DAPK1: variants seen among roughly 807,000 people sequenced by gnomAD.
DAPK1 encodes death associated protein kinase 1.
Under a neutral mutation model 144.9 loss-of-function variants are expected in DAPK1, and 56 were observed. The observed-to-expected ratio is 0.39, with a 90% CI of 0.31 to 0.48. DAPK1 has a LOEUF of 0.48. DAPK1 is among the 20% of genes least tolerant of loss of function. DAPK1 has a pLI of 0.95. For synonymous variants in DAPK1, 690 were observed against 749.0 expected, an observed-to-expected ratio of 0.92 and a Z score of 1.29; for missense variants, 1,454 against 1,875.4, an observed-to-expected ratio of 0.78 and a Z score of 4.15.
chr9:87,659,026 C>A (rs1035908251), intron 18 of DAPK1, among the ~76,000 whole-genome samples: 1 of 152,220 alleles, frequency 6.6e-6, no homozygotes, highest in African/African-American at 2.4e-5. Context: ...TTGTATTGGC[C>A]CTGGCGGCTT....
intron 2 of DAPK1, among the ~76,000 whole-genome samples, chr9:87,589,783 C>G (rs552781061): frequency 6.6e-6 from 1 of 152,194 alleles, no homozygotes; most frequent in East Asian, 1.9e-4. Context: ...TTCCATATGA[C>G]ATATTGAATG....
chr9:87,707,314 T>C lies in DAPK1; in HGVS notation c.4243T>C (p.Cys1415Arg). 2 of 1,612,788 alleles carry C rather than the reference T, an allele frequency of 1.2e-6. No homozygotes were observed. The highest frequency in any genetic ancestry group is 2.2e-5 in the South Asian group (2 of 90,902). Residue 1415 changes from cysteine to arginine, a missense_variant, in exon 26 of 26, where the codon TGC becomes CGC. By Grantham distance (180) the Cys-to-Arg change is radical. Coordinates refer to ENST00000408954, the MANE Select transcript of DAPK1 (RefSeq NM_004938.4). The surrounding 1 kb of genome is among the most constrained non-coding windows in gnomAD (Gnocchi z 4.0). ...TGGCCAGGAGGCCTATGCCTCGAGC[T>C]GCAACAGCGGCACCTCTTACAATTC... is the stretch of plus-strand genomic sequence containing the variant. ...GNGQEAYASS[C>R]NSGTSYNSIS...
At chr9:87,629,999 G>T (rs571875788) in intron 3 of DAPK1, among the ~76,000 whole-genome samples, 2 of 152,248 alleles carry the variant, frequency 1.3e-5, no homozygotes, top group East Asian at 3.9e-4. Flanking sequence ...TAGCCCAGAT[G>T]GAGAGACCAC....
intron 14 of DAPK1, among the ~76,000 whole-genome samples, chr9:87,647,679 A>G (rs1202806392): frequency 6.6e-6 from 1 of 152,230 alleles, no homozygotes; most frequent in Non-Finnish European, 1.5e-5. Context: ...AGTACAGACA[A>G]CCAGAGAGAG....
At chr9:87,591,334 T>C (rs7045762) in intron 2 of DAPK1, among the ~76,000 whole-genome samples, 15,480 of 152,270 alleles carry the variant, frequency 0.1, 1,445 homozygotes, top group African/African-American at 0.25. Context: ...GAAAAGTAAA[T>C]GCATGTAGAC....
intron 18 of DAPK1, among the ~76,000 whole-genome samples, chr9:87,660,013 G>A (rs1032100766): frequency 9.9e-5 from 15 of 152,156 alleles, no homozygotes; most frequent in African/African-American, 3.6e-4. Flanking sequence ...TCCTGAGGGC[G>A]TGGACAGGGG....
At chr9:87,692,939 G>C (rs1476801266) in intron 21 of DAPK1, among the ~76,000 whole-genome samples, 1 of 99,036 alleles carries the variant, frequency 1.0e-5, no homozygotes, top group Non-Finnish European at 1.9e-5. Flanking sequence ...GCGTTCCCTT[G>C]TAAGTGACTA....
At chr9:87,498,733 T>G in intron 1 of DAPK1, 1 of 427,914 alleles carries the variant, frequency 2.3e-6, no homozygotes, top group African/African-American at 2.0e-5. Flanking sequence ...CGCCCAGCGT[T>G]TGGGGACGCC....
At chr9:87,528,099 G>C (rs112686614) in intron 2 of DAPK1, among the ~76,000 whole-genome samples, 157 of 152,356 alleles carry the variant, frequency 1.0e-3, no homozygotes, top group African/African-American at 3.7e-3. Flanking sequence ...TGAGAGAGCA[G>C]CATACTTTAA....
At chr9:87,641,911 T>C in intron 9 of DAPK1, 58 bp from the exon 10 acceptor site, 1 of 1,400,882 alleles carries the variant, frequency 7.1e-7, no homozygotes. Context: ...AAAATTGTCA[T>C]ATAACACATT....
At chr9:87,571,485 A>ACC (rs1564000963) in intron 2 of DAPK1, among the ~76,000 whole-genome samples, 1 of 59,594 alleles carries the variant, frequency 1.7e-5, no homozygotes, top group African/African-American at 8.7e-5. Context: ...CAACACACAC[A>ACC]CACACACACC....
Position 87,668,685 on chromosome 9 carries a change from C to T in DAPK1, c.2001+11C>T. On this transcript the variant is annotated intron_variant, in intron 19 of 25. Transcript: ENST00000408954. ...GCAAGACTTCGAAAGGTGAGAAGTT[C>T]TGTTATAGGTCTGAAGTTCTCTACC... 1.8e-6 allele frequency: 2 copies of T among 1,103,046 alleles called. No homozygotes were observed. Among genetic ancestry groups the T allele is most frequent in the Non-Finnish European group, 2.8e-6 (2 of 712,520 alleles). The allele number at this position is 1,103,046 out of a possible 1,614,324, so 68.3% of individuals were successfully genotyped here.
At chr9:87,641,627 C>T (rs897071380) in intron 9 of DAPK1, among the ~76,000 whole-genome samples, 3 of 152,190 alleles carry the variant, frequency 2.0e-5, no homozygotes, top group Admixed American at 6.5e-5. Flanking sequence ...AGATCCCTCT[C>T]AGCTCTACAT....
At chr9:87,511,404 A>G (rs1563966395) in intron 2 of DAPK1, among the ~76,000 whole-genome samples, 2 of 152,184 alleles carry the variant, frequency 1.3e-5, no homozygotes, top group African/African-American at 2.4e-5. Flanking sequence ...TTCAAAGTCC[A>G]CAAGACACCA....
At chr9:87,498,286 C>T (rs1443909977) in intron 1 of DAPK1, among the ~76,000 whole-genome samples, 179 bp downstream of exon 1, 1 of 152,188 alleles carries the variant, frequency 6.6e-6, no homozygotes. Flanking sequence ...TCCCCAGCCC[C>T]GCGGGCCGGG....
chr9:87,521,426 T>C (rs894896663), intron 2 of DAPK1, among the ~76,000 whole-genome samples: 1 of 152,180 alleles, frequency 6.6e-6, no homozygotes, highest in African/African-American at 2.4e-5. Flanking sequence ...GTGAGATGGA[T>C]GAATGAGGTT....
intron 2 of DAPK1, among the ~76,000 whole-genome samples, chr9:87,516,797 T>C (rs1825077164): frequency 6.6e-6 from 1 of 151,904 alleles, no homozygotes. Context: ...TTCGGTGGAT[T>C]GGAGAAGCTT....
intron 3 of DAPK1, among the ~76,000 whole-genome samples, chr9:87,624,605 C>A (rs980514473): frequency 6.6e-6 from 1 of 152,208 alleles, no homozygotes; most frequent in Non-Finnish European, 1.5e-5. Flanking sequence ...GGTTAAGTGT[C>A]TTCCCCTGGA....
At chr9:87,513,600 A>C (rs757997893) in intron 2 of DAPK1, among the ~76,000 whole-genome samples, 14 of 152,218 alleles carry the variant, frequency 9.2e-5, no homozygotes, top group Non-Finnish European at 1.6e-4. Context: ...ATTGTAATTC[A>C]CATTTGAAAA....
Sources: gnomAD v4.1 joint callset for allele counts (sites outside exome capture counted in the v4.1 genomes callset) on GRCh38, gnomAD v4.1.1 for gene constraint, Gnocchi (gnomAD v3.1) non-coding constraint, MANE v1.5 for transcripts, NCBI Gene and HGNC (gene_info 2026-07-23, HGNC 2026-07-21) for gene names.